The following TTC28 variants were observed in gnomAD, a reference collection of about 807,000 sequenced individuals.
TTC28 encodes the protein tetratricopeptide repeat domain 28, also known as tetratricopeptide repeat protein 28.
A neutral mutation model predicts 198.0 loss-of-function variants in TTC28; 61 were observed. The observed-to-expected ratio is 0.31, with a 90% CI of 0.25 to 0.38. TTC28 has a LOEUF of 0.38. TTC28 is among the 10% of genes least tolerant of loss of function. TTC28 has a pLI of 1.00. For missense variants in TTC28, 2,678 were observed against 3,164.0 expected, an observed-to-expected ratio of 0.85 and a Z score of 3.69; for synonymous variants, 1,171 against 1,297.8, an observed-to-expected ratio of 0.90 and a Z score of 2.10.
intron 12 of TTC28, among the ~76,000 whole-genome samples, chr22:28,074,906 C>T (rs1941118935): frequency 6.6e-6 from 1 of 152,124 alleles, no homozygotes; most frequent in African/African-American, 2.4e-5. Flanking sequence ...TTGAGACCAG[C>T]CTGGCCAACA....
intron 2 of TTC28, among the ~76,000 whole-genome samples, chr22:28,340,072 A>G (rs2045804974): frequency 6.6e-6 from 1 of 152,152 alleles, no homozygotes. Flanking sequence ...TTCAATCATA[A>G]TCACACTTCC....
chr22:28,362,909 G>T (rs533637396), intron 2 of TTC28, among the ~76,000 whole-genome samples: 1 of 152,094 alleles, frequency 6.6e-6, no homozygotes, highest in Non-Finnish European at 1.5e-5. Flanking sequence ...AGTTTTATAA[G>T]GGAAGCAGAA....
At position 28,297,336 on chromosome 22, in the gene TTC28, G is replaced by A. The variant is rs528714288; in HGVS notation, c.802+244C>T. ...AGGCAATCCTCCCACCTTGGCCTCC[G>A]GAGTAGCTAAGACACAGGTACACCA... On this transcript the variant is annotated intron_variant, in intron 4 of 22. Transcript: ENST00000397906. 1.6e-4 allele frequency among the ~76,000 whole-genome samples: 25 copies of A among 151,774 alleles called. No individual in the cohort carries two copies. The South Asian group carries it at 5.2e-3, about 32-fold the overall frequency.
chr22:28,482,525 C>G (rs2048265779), intron 2 of TTC28, among the ~76,000 whole-genome samples: 2 of 152,106 alleles, frequency 1.3e-5, no homozygotes, highest in East Asian at 3.9e-4. Context: ...GGCAGTCAAA[C>G]TGATCACACT....
At chr22:28,118,128 G>A (rs538177495) in intron 6 of TTC28, among the ~76,000 whole-genome samples, 69 of 152,300 alleles carry the variant, frequency 4.5e-4, no homozygotes, top group Non-Finnish European at 5.4e-4. Context: ...GCCAGGAGCG[G>A]TGGCTCACAC....
chr22:28,093,053 C>T (rs1569134613), intron 12 of TTC28, among the ~76,000 whole-genome samples: 1 of 152,230 alleles, frequency 6.6e-6, no homozygotes, highest in African/African-American at 2.4e-5. Flanking sequence ...ACTAACTTGG[C>T]TGTCAGCAAG....
chr22:28,089,121 C>G (rs1207413178), intron 12 of TTC28, among the ~76,000 whole-genome samples: 1 of 152,138 alleles, frequency 6.6e-6, no homozygotes, highest in Non-Finnish European at 1.5e-5. Context: ...CCTCAGGGAT[C>G]TAGAACTAGA....
chr22:28,282,941 T>A (rs1236588348), intron 5 of TTC28, among the ~76,000 whole-genome samples: 5 of 152,146 alleles, frequency 3.3e-5, no homozygotes, highest in African/African-American at 9.7e-5. Context: ...TACAATTTCT[T>A]TTGAGGTGGT....
intron 5 of TTC28, among the ~76,000 whole-genome samples, chr22:28,255,225 A>G (rs970259528): frequency 6.6e-6 from 1 of 152,118 alleles, no homozygotes; most frequent in African/African-American, 2.4e-5. Context: ...GAGTAGACAC[A>G]ATAAATTGAG....
intron 5 of TTC28, among the ~76,000 whole-genome samples, chr22:28,230,106 C>A (rs1223014935): frequency 1.3e-5 from 2 of 152,136 alleles, no homozygotes; most frequent in African/African-American, 4.8e-5. Flanking sequence ...TAGTCTGCAT[C>A]CTGCAAGAGC....
At chr22:28,297,179 A>C (rs1219370660) in intron 4 of TTC28, among the ~76,000 whole-genome samples, 1 of 152,086 alleles carries the variant, frequency 6.6e-6, no homozygotes, top group African/African-American at 2.4e-5. Flanking sequence ...TAAAACAGAG[A>C]ATGTTCTAGA....
At position 28,601,939 on chromosome 22, in the gene TTC28, C is replaced by CTGGCACAAGGATCTCTGGT. The variant is rs530882792; in HGVS notation, c.381+27594_381+27612dup. On this transcript the variant is annotated intron_variant, in intron 2 of 22. Coordinates refer to ENST00000397906, the MANE Select transcript of TTC28 (RefSeq NM_001145418.2). Reference sequence around the variant, plus strand: ...GCCTTATTCCTATACAAAGAGACACCTGGCACAAGGATCTCTGGTAGACAC... The same window carrying CTGGCACAAGGATCTCTGGT: ...GCCTTATTCCTATACAAAGAGACACCTGGCACAAGGATCTCTGGTTGGCACAAGGATCTCTGGTAGACAC... 9.8e-3 allele frequency among the ~76,000 whole-genome samples: 1,498 copies of CTGGCACAAGGATCTCTGGT among 152,256 alleles called. 11 individuals carry two copies. The highest frequency in any genetic ancestry group is 0.017 in the Non-Finnish European group (1,176 of 68,020).
chr22:28,122,111 G>A (rs372749651), intron 6 of TTC28, among the ~76,000 whole-genome samples: 7 of 152,090 alleles, frequency 4.6e-5, no homozygotes, highest in African/African-American at 1.2e-4. Flanking sequence ...CAAGTGATCC[G>A]CCATCCTTGA....
intron 5 of TTC28, among the ~76,000 whole-genome samples, chr22:28,267,310 A>G (rs1381231112): frequency 6.6e-6 from 1 of 152,214 alleles, no homozygotes; most frequent in Non-Finnish European, 1.5e-5. Context: ...TTTCCTGGCA[A>G]GGTTTCTCCA....
At chr22:28,048,088 T>C (rs1023700259) in intron 12 of TTC28, among the ~76,000 whole-genome samples, 1 of 151,964 alleles carries the variant, frequency 6.6e-6, no homozygotes, top group African/African-American at 2.4e-5. Flanking sequence ...AGGAGGTTTT[T>C]TTCTGCTTGG....
chr22:28,646,897 CA>C (rs1428654308), intron 1 of TTC28, among the ~76,000 whole-genome samples: 1 of 152,004 alleles, frequency 6.6e-6, no homozygotes, highest in Non-Finnish European at 1.5e-5. Flanking sequence ...AGAAAGAAAT[CA>C]AATCAAAAGA....
At chr22:28,612,185 T>C (rs535859730) in intron 2 of TTC28, among the ~76,000 whole-genome samples, 19 of 152,218 alleles carry the variant, frequency 1.2e-4, no homozygotes, top group African/African-American at 4.1e-4. Context: ...TCCTAGTCTC[T>C]GATAAAACAG....
At chr22:28,292,887 CAG>C (rs1425160350) in intron 5 of TTC28, among the ~76,000 whole-genome samples, 4 of 152,226 alleles carry the variant, frequency 2.6e-5, no homozygotes, top group Non-Finnish European at 5.9e-5. Context: ...ACCCTAAGCA[CAG>C]TATTAGGTGC....
intron 10 of TTC28, 142 bp downstream of exon 10, chr22:28,098,773 T>G: frequency 9.6e-7 from 1 of 1,045,772 alleles, no homozygotes. Context: ...GTTCATTGAC[T>G]GGTTGTAGTT....
Sources: allele counts gnomAD v4.1 joint callset (sites outside exome capture counted in the v4.1 genomes callset), GRCh38; gene constraint gnomAD v4.1.1; transcripts MANE v1.5; gene names NCBI Gene and HGNC (gene_info 2026-07-23, HGNC 2026-07-21).